CTNNA2: variants seen among roughly 807,000 people sequenced by gnomAD.
The protein encoded by CTNNA2 is catenin alpha-2.
CTNNA2 carries 42 observed loss-of-function variants against 101.0 expected under a neutral mutation model. The observed-to-expected ratio is 0.42, with a 90% CI of 0.32 to 0.54. The LOEUF (loss-of-function observed/expected upper bound fraction) is 0.54. CTNNA2 is among the 20% of genes least tolerant of loss of function. The probability of loss-of-function intolerance (pLI) is 0.14; values close to 1 mark genes in which losing one functional copy is unlikely to be tolerated. For synonymous variants in CTNNA2, 450 were observed against 456.4 expected (o/e 0.99, Z 0.18); for missense variants, 871 against 1,223.1 (o/e 0.71, Z 4.29).
chr2:80,025,175 A>T (rs1694854740), intron 7 of CTNNA2, among the ~76,000 whole-genome samples: 1 of 152,052 alleles, frequency 6.6e-6, no homozygotes, highest in African/African-American at 2.4e-5. Context: ...TTTTATGGGT[A>T]CAGGGTGGGT....
At chr2:79,580,746 TGAA>T (rs1489315030) in intron 1 of CTNNA2, among the ~76,000 whole-genome samples, 1 of 152,206 alleles carries the variant, frequency 6.6e-6, no homozygotes, top group African/African-American at 2.4e-5. Flanking sequence ...TTTTCTTATG[TGAA>T]GAAGACCAAA....
intron 2 of CTNNA2, among the ~76,000 whole-genome samples, chr2:79,299,406 G>T (rs1676056309): frequency 6.6e-6 from 1 of 152,218 alleles, no homozygotes; most frequent in South Asian, 2.1e-4. Context: ...CGGCTAATAA[G>T]TTAAGAAAAC....
At position 79,728,688 on chromosome 2, in the gene CTNNA2, A is replaced by G. The variant is rs147945411; in HGVS notation, c.103-15699A>G. 2.0e-4 allele frequency among the ~76,000 whole-genome samples: 31 copies of G among 152,144 alleles called. No individual in the cohort carries two copies. In the East Asian group the frequency reaches 5.4e-3, roughly 27 times the overall value. ...TGAATGGTAATGCCTAGGTTTTCTTATAGGGTTTTTGTGGTTTTAGGTCTA... is the reference window on the plus strand; with the variant it reads ...TGAATGGTAATGCCTAGGTTTTCTTGTAGGGTTTTTGTGGTTTTAGGTCTA... On this transcript the variant is annotated intron_variant, in intron 2 of 18. Coordinates refer to ENST00000402739, the MANE Select transcript of CTNNA2 (RefSeq NM_001282597.3).
intron 7 of CTNNA2, among the ~76,000 whole-genome samples, chr2:79,962,932 G>A (rs1034509025): frequency 2.6e-5 from 4 of 151,550 alleles, no homozygotes; most frequent in Non-Finnish European, 4.4e-5. Flanking sequence ...TTAACCGGGC[G>A]TAGTGGCGGG....
intron 9 of CTNNA2, among the ~76,000 whole-genome samples, chr2:80,433,677 G>GAA (rs1177874181): frequency 6.6e-6 from 1 of 152,064 alleles, no homozygotes; most frequent in East Asian, 1.9e-4. Flanking sequence ...TTCTGCCCTT[G>GAA]AATTTTGCCT....
At chr2:79,592,395 G>C (rs573572580) in intron 1 of CTNNA2, among the ~76,000 whole-genome samples, 2 of 152,128 alleles carry the variant, frequency 1.3e-5, no homozygotes, top group African/African-American at 4.8e-5. Flanking sequence ...GCCTCCCAAA[G>C]TGCTGGAACT....
chr2:79,190,680 A>C (rs1349478558), intron 1 of CTNNA2, among the ~76,000 whole-genome samples: 1 of 152,180 alleles, frequency 6.6e-6, no homozygotes, highest in Non-Finnish European at 1.5e-5. Flanking sequence ...AAGTGGGAAA[A>C]TGATGGCTTG....
intron 4 of CTNNA2, among the ~76,000 whole-genome samples, chr2:79,414,655 T>C (rs1678457565): frequency 1.3e-5 from 2 of 152,102 alleles, no homozygotes; most frequent in Admixed American, 6.6e-5. Flanking sequence ...AAAATGATGT[T>C]ATGCAGCATC....
intron 4 of CTNNA2, among the ~76,000 whole-genome samples, chr2:79,395,458 T>A (rs1678219853): frequency 6.6e-6 from 1 of 152,002 alleles, no homozygotes; most frequent in Non-Finnish European, 1.5e-5. Flanking sequence ...GTTCTCATTG[T>A]TCAATTCCCA....
At chr2:79,274,867 G>C (rs1237042592) in intron 2 of CTNNA2, among the ~76,000 whole-genome samples, 1 of 151,986 alleles carries the variant, frequency 6.6e-6, no homozygotes, top group Admixed American at 6.6e-5. Flanking sequence ...TTGTGAAATA[G>C]ATCATTCTTT....
intron 3 of CTNNA2, among the ~76,000 whole-genome samples, chr2:79,772,396 G>T (rs778234879): frequency 1.8e-4 from 28 of 152,068 alleles, no homozygotes; most frequent in Non-Finnish European, 3.1e-4. Flanking sequence ...ATAAAAAGAT[G>T]CAAAAATACA....
chr2:79,367,573 G>A (rs1357398948), intron 3 of CTNNA2, among the ~76,000 whole-genome samples: 1 of 152,134 alleles, frequency 6.6e-6, no homozygotes, highest in Non-Finnish European at 1.5e-5. Context: ...CTAGACCACT[G>A]TAGAACTGCA....
At chr2:79,869,735 G>A in intron 4 of CTNNA2, 81 bp from the exon 5 acceptor site, 2 of 1,529,812 alleles carry the variant, frequency 1.3e-6, no homozygotes, top group South Asian at 2.6e-5. Context: ...TAGAGTTTTT[G>A]GGTGCAAATT....
At chr2:79,666,450 T>C (rs528975422) in intron 2 of CTNNA2, among the ~76,000 whole-genome samples, 9 of 152,204 alleles carry the variant, frequency 5.9e-5, no homozygotes, top group Non-Finnish European at 1.2e-4. Context: ...CTTTTTAGTA[T>C]TTTCATGTGC....
At chr2:80,497,620 G>T (rs1687571742) in intron 9 of CTNNA2, among the ~76,000 whole-genome samples, 1 of 152,112 alleles carries the variant, frequency 6.6e-6, no homozygotes, top group Admixed American at 6.6e-5. Context: ...CCTTCCATTG[G>T]TGTTGGCAGG....
chr2:80,355,326 G>A (rs1278491855), intron 7 of CTNNA2, among the ~76,000 whole-genome samples: 1 of 152,110 alleles, frequency 6.6e-6, no homozygotes, highest in Non-Finnish European at 1.5e-5. Context: ...AGAACAGATC[G>A]TTTTTCTGAT....
intron 2 of CTNNA2, among the ~76,000 whole-genome samples, chr2:79,208,334 C>G (rs1183171571): frequency 6.6e-6 from 1 of 152,142 alleles, no homozygotes; most frequent in African/African-American, 2.4e-5. Flanking sequence ...TAACAATGAG[C>G]TCATGGCTGG....
chr2:79,837,391 A>G lies in CTNNA2; in HGVS notation c.299-20622A>G, dbSNP rs1029494121. 2.6e-5 allele frequency among the ~76,000 whole-genome samples: 4 copies of G among 152,166 alleles called. No individual in the cohort carries two copies. The East Asian group carries it at 7.7e-4, about 29-fold the overall frequency. ...TAGATTGTGAGGACCTAGATTAAGG[A>G]TGAGTCTGCCTTTCCCAGTCCTAAC... On this transcript the variant is annotated intron_variant, in intron 3 of 18. Transcript: ENST00000402739.
intron 2 of CTNNA2, among the ~76,000 whole-genome samples, chr2:79,682,410 CAAAAAAAAAAAAAA>C (rs10674928): frequency 1.2e-3 from 90 of 73,326 alleles, no homozygotes; most frequent in African/African-American, 4.7e-3. Context: ...AACTCCATCT[CAAAAAAAAAAAAAA>C]AAAAAAAAGA....
Sources: gnomAD v4.1 joint callset for allele counts (sites outside exome capture counted in the v4.1 genomes callset) on GRCh38, gnomAD v4.1.1 for gene constraint, MANE v1.5 for transcripts, NCBI Gene and HGNC (gene_info 2026-07-23, HGNC 2026-07-21) for gene names.